PON3: variants seen among roughly 807,000 people sequenced by gnomAD.
PON3 encodes paraoxonase 3.
PON3 carries 37 observed loss-of-function variants against 36.3 expected under a neutral mutation model. That is an observed-to-expected ratio of 1.02 (90% CI 0.78 to 1.34). The LOEUF (loss-of-function observed/expected upper bound fraction) is 1.34. Ranked by LOEUF, PON3 falls within the 40% of genes most tolerant of loss-of-function variation. PON3 has a pLI of 0.00. For missense variants in PON3, 415 were observed against 426.5 expected, an observed-to-expected ratio of 0.97 and a Z score of 0.24; for synonymous variants, 155 against 154.8, an observed-to-expected ratio of 1.00 and a Z score of -0.01.
At chr7:95,362,627 G>C (rs1487118252) in intron 7 of PON3, 133 bp downstream of exon 7, 1 of 1,412,608 alleles carries the variant, frequency 7.1e-7, no homozygotes, top group African/African-American at 1.4e-5. Context: ...CTGTATTTTA[G>C]AAACGCATGC....
chr7:95,396,316 AC>A lies in PON3; in HGVS notation c.34del (p.Val12SerfsTer5). On this transcript the variant is annotated frameshift_variant, in exon 1 of 9. Transcript: ENST00000265627. LOFTEE classifies it high-confidence loss of function. ...GKLVALVLLG[V>X]GLSLVGEMFL... ...CATCTCCCCGACTAAGGACAGGCCG[AC>A]CCCCAGCAGGACCAGCGCCACGAGC... The A allele has an allele frequency of 6.2e-7, 1 of 1,613,446 alleles. No homozygotes were observed. The highest frequency in any genetic ancestry group is 8.5e-7 in the Non-Finnish European group (1 of 1,179,816).
intron 5 of PON3, among the ~76,000 whole-genome samples, chr7:95,367,157 G>A (rs894044920): frequency 3.3e-5 from 5 of 152,188 alleles, no homozygotes; most frequent in South Asian, 2.1e-4. Flanking sequence ...CAAAATGCTC[G>A]AAAATATAGG....
At chr7:95,362,083 C>A (rs1234171714) in intron 8 of PON3, among the ~76,000 whole-genome samples, 1 of 152,090 alleles carries the variant, frequency 6.6e-6, no homozygotes, top group Non-Finnish European at 1.5e-5. Flanking sequence ...GAGACTATCT[C>A]CTGATTGGAA....
intron 2 of PON3, among the ~76,000 whole-genome samples, chr7:95,392,314 T>G (rs1809336240): frequency 6.6e-6 from 1 of 152,228 alleles, no homozygotes; most frequent in African/African-American, 2.4e-5. Context: ...AGCCATTTTC[T>G]TCAAAATATT....
chr7:95,363,717 G>C, intron 6 of PON3, 146 bp downstream of exon 6: 1 of 813,178 alleles, frequency 1.2e-6, no homozygotes, highest in Non-Finnish European at 2.1e-6. Flanking sequence ...TAGGATGACA[G>C]ATTTAGTGTG....
intron 3 of PON3, among the ~76,000 whole-genome samples, chr7:95,375,273 T>G (rs1345837597): frequency 2.6e-5 from 4 of 151,090 alleles, no homozygotes; most frequent in African/African-American, 9.7e-5. Context: ...TATGTATGTG[T>G]GTATATATGT....
intron 5 of PON3, chr7:95,365,272 C>T (rs1192638994): frequency 6.6e-6 from 1 of 152,282 alleles, no homozygotes; most frequent in South Asian, 2.1e-4. Context: ...GTCTGATGTA[C>T]TTCCCAGAGG....
At chr7:95,366,273 G>A (rs1355874903) in intron 5 of PON3, among the ~76,000 whole-genome samples, 2 of 152,102 alleles carry the variant, frequency 1.3e-5, no homozygotes, top group Non-Finnish European at 2.9e-5. Flanking sequence ...TCCCCATTAT[G>A]CTCAAGAAAT....
At chr7:95,365,110 C>A (rs1243173009) in intron 5 of PON3, 1 of 152,170 alleles carries the variant, frequency 6.6e-6, no homozygotes, top group East Asian at 1.9e-4. Flanking sequence ...TTAGGTTAAA[C>A]TGCCTCACAA....
chr7:95,382,027 T>C (rs1364668715), intron 3 of PON3, among the ~76,000 whole-genome samples: 7 of 152,164 alleles, frequency 4.6e-5, no homozygotes, highest in Admixed American at 4.6e-4. Flanking sequence ...GCAATCAAAC[T>C]AGCACTCAGG....
chr7:95,391,402 G>A (rs960218994), intron 2 of PON3, among the ~76,000 whole-genome samples: 2 of 152,182 alleles, frequency 1.3e-5, no homozygotes, highest in African/African-American at 4.8e-5. Flanking sequence ...TTGATTAGAT[G>A]TCAAGGGCAG....
intron 3 of PON3, among the ~76,000 whole-genome samples, chr7:95,389,848 A>T (rs554133323): frequency 5.4e-4 from 82 of 152,330 alleles, no homozygotes; most frequent in Non-Finnish European, 8.7e-4. Flanking sequence ...ATGAGAATGG[A>T]TAGCAATAGG....
chr7:95,364,067 A>T lies in PON3; in HGVS notation c.495-4T>A. ...AAGAACCACAATGTCATTCACACTA[A>T]AGTGAAAGGGAGGTGGAAAAAGAGA... On this transcript the variant is annotated splice_polypyrimidine_tract_variant and splice_region_variant and intron_variant, in intron 5 of 8. Transcript: ENST00000265627. 6.2e-7 allele frequency: 1 copy of T among 1,612,316 alleles called. No homozygotes were observed. Among genetic ancestry groups the T allele is most frequent in the Non-Finnish European group, 8.5e-7 (1 of 1,178,390 alleles).
At position 95,361,727 on chromosome 7, in the gene PON3, T is replaced by C. The variant is rs528292173; in HGVS notation, c.906+635A>G. On this transcript the variant is annotated intron_variant, in intron 8 of 8. Coordinates refer to ENST00000265627, the MANE Select transcript of PON3 (RefSeq NM_000940.3). ...TTGTGAATAAATCTCTGAGTATGTGTGCCTAGAATTTATAGCTATATATAA... is the reference window on the plus strand; with the variant it reads ...TTGTGAATAAATCTCTGAGTATGTGCGCCTAGAATTTATAGCTATATATAA... Among the ~76,000 whole-genome samples the C allele has an allele frequency of 2.6e-4, 39 of 152,300 alleles. 1 individual carries two copies. Among genetic ancestry groups the C allele is most frequent in the South Asian group, 1.0e-3 (5 of 4,828 alleles).
At chr7:95,380,013 G>A (rs554120099) in intron 3 of PON3, among the ~76,000 whole-genome samples, 19 of 152,302 alleles carry the variant, frequency 1.2e-4, no homozygotes, top group African/African-American at 4.3e-4. Context: ...AACCTCCAGA[G>A]GAACAATCAA....
chr7:95,366,458 A>C (rs539480562), intron 5 of PON3, among the ~76,000 whole-genome samples: 90 of 152,206 alleles, frequency 5.9e-4, no homozygotes, highest in Non-Finnish European at 1.0e-4. Flanking sequence ...GGGAGAAATT[A>C]ATACATGATG....
In PON3 at chr7:95,382,009, A is replaced by C. The variant is rs1585729017; in HGVS notation, c.201+8145T>G. On this transcript the variant is annotated intron_variant, in intron 3 of 8. Transcript: ENST00000265627. ...GAAATTATAACAAACTGTCTCTCAG[A>C]CCACAGTGCAATCAAACTAGCACTC... 2.6e-5 allele frequency among the ~76,000 whole-genome samples: 4 copies of C among 152,356 alleles called. No homozygotes were observed. The South Asian group carries it at 8.3e-4, about 32-fold the overall frequency.
intron 2 of PON3, among the ~76,000 whole-genome samples, chr7:95,392,387 T>G (rs1476181297): frequency 6.6e-6 from 1 of 152,196 alleles, no homozygotes; most frequent in Non-Finnish European, 1.5e-5. Context: ...TTCTCAAATC[T>G]AGTTGAGTGA....
At chr7:95,382,177 A>G (rs1462139644) in intron 3 of PON3, among the ~76,000 whole-genome samples, 3 of 152,258 alleles carry the variant, frequency 2.0e-5, no homozygotes, top group African/African-American at 4.8e-5. Context: ...ACAACATATC[A>G]GAATCCCTGG....
Sources: gnomAD v4.1 joint callset for allele counts (sites outside exome capture counted in the v4.1 genomes callset) on GRCh38, gnomAD v4.1.1 for gene constraint, MANE v1.5 for transcripts, NCBI Gene and HGNC (gene_info 2026-07-23, HGNC 2026-07-21) for gene names.